Variants in GALR1 observed in about 807,000 individuals in gnomAD.
GALR1 encodes the protein galanin receptor 1.
In GALR1, 11 loss-of-function variants were observed where a neutral mutation model predicts 17.9. The observed-to-expected ratio is 0.62, with a 90% CI of 0.39 to 1.02. The LOEUF is 1.02. Among genes scored for constraint, GALR1 ranks in the 50% least tolerant of loss-of-function variants. The pLI is 0.01. For missense variants in GALR1, 441 were observed against 456.9 expected (o/e 0.97, Z 0.32); for synonymous variants, 206 against 205.7 (o/e 1.00, Z -0.01).
At chr18:77,253,449 A>C (rs1912516934) in intron 1 of GALR1, among the ~76,000 whole-genome samples, 1 of 152,194 alleles carries the variant, frequency 6.6e-6, no homozygotes, top group Admixed American at 6.5e-5. Context: ...TACTGTGGAG[A>C]ACTGAAGCAC....
Position 77,271,610 on chromosome 18 carries a change from A to G in GALR1, c.*2708A>G, listed in dbSNP as rs986036123. ...CGTCACTAAATAAAGACAGCTTCCC[A>G]AGGACACACTTTTTCTCCCAGCATC... On this transcript the variant is annotated 3_prime_UTR_variant, in exon 3 of 3. Coordinates refer to ENST00000299727, the MANE Select transcript of GALR1 (RefSeq NM_001480.4). The G allele has an allele frequency of 1.3e-5, 2 of 152,200 alleles. No individual in the cohort carries two copies. Among genetic ancestry groups the G allele is most frequent in the Non-Finnish European group, 2.9e-5 (2 of 68,042 alleles). 9.4% of individuals were successfully genotyped at this position (152,200 alleles called of 1,614,324 possible).
intron 1 of GALR1, among the ~76,000 whole-genome samples, chr18:77,252,829 C>T (rs571850529): frequency 2.9e-4 from 41 of 140,142 alleles, no homozygotes; most frequent in Non-Finnish European, 5.4e-4. Context: ...GCCTGGCTGA[C>T]AACGGAGCGA....
rs759923285 is a variant in GALR1 at position 77,250,826 on chromosome 18, C to A, written c.278C>A (p.Ala93Asp). 9 of 1,613,758 alleles carry A rather than the reference C, an allele frequency of 5.6e-6. No individual in the cohort carries two copies. The South Asian group carries it at 7.7e-5, about 14-fold the overall frequency. ...CTGCTCTTCTGCATCCCCTTCCAGG[C>A]CACCGTGTACGCGCTGCCCACCTGG... ...AYLLFCIPFQATVYALPTWVL... is the reference protein window; with the variant it reads ...AYLLFCIPFQDTVYALPTWVL... Residue 93 changes from alanine to aspartate, a missense_variant, in exon 1 of 3, where the codon GCC (alanine) becomes GAC (aspartate). Transcript: ENST00000299727.
intron 2 of GALR1, 66 bp downstream of exon 2, chr18:77,256,289 C>T: frequency 4.4e-6 from 4 of 907,664 alleles, no homozygotes; most frequent in Non-Finnish European, 7.1e-6. Context: ...GTTTTTTTTA[C>T]TTGTCCTCAC....
chr18:77,274,480 A>T lies in GALR1; in HGVS notation c.*5578A>T, dbSNP rs1913118468. The T allele has an allele frequency of 6.6e-6, 1 of 152,258 alleles. No homozygotes were observed. The highest frequency in any genetic ancestry group is 2.4e-5 in the African/African-American group (1 of 41,442). The allele number at this position is 152,258 out of a possible 1,614,324, so 9.4% of individuals were successfully genotyped here. ...AATGGGATACCAAAGATGACGTGTA[A>T]GGCCTTCAGTATATAATGGACTTGT... On this transcript the variant is annotated 3_prime_UTR_variant, in exon 3 of 3. Coordinates refer to ENST00000299727, the MANE Select transcript of GALR1 (RefSeq NM_001480.4).
chr18:77,255,292 A>G (rs1282871635), intron 1 of GALR1, among the ~76,000 whole-genome samples: 3 of 152,238 alleles, frequency 2.0e-5, no homozygotes, highest in South Asian at 2.1e-4. Context: ...GGAAATTCCT[A>G]CATCTAAAAC....
At chr18:77,260,054 G>A (rs1912794485) in intron 2 of GALR1, among the ~76,000 whole-genome samples, 1 of 152,128 alleles carries the variant, frequency 6.6e-6, no homozygotes, top group South Asian at 2.1e-4. Flanking sequence ...CAATGTATAA[G>A]TAAAGTTCCC....
In GALR1 at chr18:77,274,721, T is replaced by A. The variant is rs1203883488; in HGVS notation, c.*5819T>A. The A allele has an allele frequency of 1.3e-5, 2 of 152,180 alleles. No homozygotes were observed. Among genetic ancestry groups the A allele is most frequent in the Non-Finnish European group, 2.9e-5 (2 of 68,024 alleles). 9.4% of individuals were successfully genotyped at this position (152,180 alleles called of 1,614,324 possible). A position where few individuals can be genotyped will look rare whatever the true frequency, so the allele number is the denominator to read the frequency against. On this transcript the variant is annotated 3_prime_UTR_variant, in exon 3 of 3. Transcript: ENST00000299727. The stretch of plus-strand genomic sequence containing the variant: ...CAGGTGATTCTTACCTCCATTGGCC[T>A]TTGGATGTCTGCGTAATAATTTGTT...
chr18:77,253,393 G>A (rs573146827), intron 1 of GALR1, among the ~76,000 whole-genome samples: 2 of 152,206 alleles, frequency 1.3e-5, no homozygotes, highest in African/African-American at 4.8e-5. Context: ...GGACATTGAA[G>A]TCTGAGATTG....
rs1913096905 is a variant in GALR1 at position 77,273,291 on chromosome 18, G to A, written c.*4389G>A. On this transcript the variant is annotated 3_prime_UTR_variant, in exon 3 of 3. Transcript: ENST00000299727. ...TGTTCCCGCATCCGATGATTCTCAG[G>A]TTTTGTTCTAGGTGCAGAAATAGTG... is the stretch of plus-strand genomic sequence containing the variant. 1.3e-5 allele frequency: 2 copies of A among 152,158 alleles called. No homozygotes were observed. Among genetic ancestry groups the A allele is most frequent in the South Asian group, 4.2e-4 (2 of 4,818 alleles). The allele number at this position is 152,158 out of a possible 1,614,324, so 9.4% of individuals were successfully genotyped here. A position where few individuals can be genotyped will look rare whatever the true frequency, so the allele number is the denominator to read the frequency against.
rs1311799809 is a variant in GALR1, at chr18:77,277,623, T to G, written c.*8721T>G. 6.6e-6 allele frequency: 1 copy of G among 152,244 alleles called. No individual in the cohort carries two copies. Among genetic ancestry groups the G allele is most frequent in the Non-Finnish European group, 1.5e-5 (1 of 68,044 alleles). The allele number at this position is 152,244 out of a possible 1,614,324, so 9.4% of individuals were successfully genotyped here. ...CAACGTGATTGTTTAAATGCTGATA[T>G]GAAAGCAGTGCTGAATGTGGATCTT... is the stretch of plus-strand genomic sequence containing the variant. On this transcript the variant is annotated 3_prime_UTR_variant, in exon 3 of 3. Coordinates refer to ENST00000299727, the MANE Select transcript of GALR1 (RefSeq NM_001480.4).
In GALR1 at chr18:77,250,696, G is replaced by A; in HGVS notation, c.148G>A (p.Gly50Ser). ...FGLIFALGVLGNSLVITVLAR... is the reference protein window; with the variant it reads ...FGLIFALGVLSNSLVITVLAR... ...CCTGATCTTCGCGCTGGGTGTGCTGGGCAACAGCCTAGTGATCACCGTGCT... is the reference window on the plus strand; with the variant it reads ...CCTGATCTTCGCGCTGGGTGTGCTGAGCAACAGCCTAGTGATCACCGTGCT... Residue 50 changes from glycine (G) to serine (S), a missense_variant, in exon 1 of 3, where the codon GGC (glycine) becomes AGC (serine). Transcript: ENST00000299727. 6.2e-7 allele frequency: 1 copy of A among 1,613,412 alleles called. No homozygotes were observed. The highest frequency in any genetic ancestry group is 8.5e-7 in the Non-Finnish European group (1 of 1,179,902).
rs67122346 is a variant in GALR1, at chr18:77,272,321, A to T, written c.*3419A>T. 19,253 of 152,240 alleles carry T rather than the reference A, an allele frequency of 0.13. 1,301 individuals are homozygous for T. Among genetic ancestry groups the T allele is most frequent in the Admixed American group, 0.16 (2,490 of 15,290 alleles). The allele number at this position is 152,240 out of a possible 1,614,324, so 9.4% of individuals were successfully genotyped here. On this transcript the variant is annotated 3_prime_UTR_variant, in exon 3 of 3. Transcript: ENST00000299727. ...TTGAGGCAGTGCAGCGATCATTCTA[A>T]TATGTTAACTGAGACCCAAGATCTC...
At chr18:77,259,015 G>A (rs878941271) in intron 2 of GALR1, among the ~76,000 whole-genome samples, 3,313 of 18,416 alleles carry the variant, frequency 0.18, 381 homozygotes, top group Non-Finnish European at 0.31. Flanking sequence ...AGTGGTGGTG[G>A]TGTTGGTGTT....
intron 1 of GALR1, among the ~76,000 whole-genome samples, chr18:77,252,093 T>C (rs564817097): frequency 6.6e-6 from 1 of 152,322 alleles, no homozygotes; most frequent in South Asian, 2.1e-4. Context: ...GTGTGGGAGA[T>C]AGTTTTTCCC....
At position 77,250,554 on chromosome 18, in the gene GALR1, G is replaced by A; in HGVS notation, c.6G>A (p.Glu2=). Residue 2 remains glutamate (E), a synonymous_variant, in exon 1 of 3, where the codon GAG becomes GAA. Transcript: ENST00000299727. The part of the protein sequence containing the change: M[E]LAVGNLSEGN... The stretch of plus-strand genomic sequence containing the variant: ...CCGGGACAGCCCCGCGGGCCATGGA[G>A]CTGGCGGTCGGGAACCTCAGCGAGG... 6.5e-7 allele frequency: 1 copy of A among 1,527,706 alleles called. No homozygotes were observed. The highest frequency in any genetic ancestry group is 8.8e-7 in the Non-Finnish European group (1 of 1,142,748). 94.6% of individuals were successfully genotyped at this position (1,527,706 alleles called of 1,614,324 possible).
rs1393587634 is a variant in GALR1 at position 77,250,516 on chromosome 18, G to A, written c.-33G>A. On this transcript the variant is annotated 5_prime_UTR_variant, in exon 1 of 3. Coordinates refer to ENST00000299727, the MANE Select transcript of GALR1 (RefSeq NM_001480.4). ...ACTATCCCGCCCTCCCTCCCCGCGCGCCCCGCCGCTCGCCGGGACAGCCCC... is the reference window on the plus strand; with the variant it reads ...ACTATCCCGCCCTCCCTCCCCGCGCACCCCGCCGCTCGCCGGGACAGCCCC... The A allele has an allele frequency of 1.4e-6, 2 of 1,427,564 alleles. No homozygotes were observed. The highest frequency in any genetic ancestry group is 3.0e-5 in the Admixed American group (1 of 33,260). The allele number at this position is 1,427,564 out of a possible 1,614,324, so 88.4% of individuals were successfully genotyped here.
chr18:77,258,643 T>C (rs1197089725), intron 2 of GALR1, among the ~76,000 whole-genome samples: 2 of 146,764 alleles, frequency 1.4e-5, no homozygotes, highest in Non-Finnish European at 1.5e-5. Flanking sequence ...GTGATGGTGG[T>C]GGTGGTCATA....
At position 77,268,688 on chromosome 18, in the gene GALR1, C is replaced by T. The variant is rs140013561; in HGVS notation, c.836C>T (p.Pro279Leu). ...GAGTTTGGAGTTTTCCCGCTGACGCCGGCTTCCTTCCTCTTCAGAATCACC... is the reference window on the plus strand; with the variant it reads ...GAGTTTGGAGTTTTCCCGCTGACGCTGGCTTCCTTCCTCTTCAGAATCACC... ...WAEFGVFPLT[P>L]ASFLFRITAH... Residue 279 changes from proline (P) to leucine (L), a missense_variant, in exon 3 of 3, where the codon CCG (proline) becomes CTG (leucine). By Grantham distance (98) the Pro-to-Leu change is moderately conservative. Coordinates refer to ENST00000299727, the MANE Select transcript of GALR1 (RefSeq NM_001480.4). 131 of 1,614,026 alleles carry T rather than the reference C, an allele frequency of 8.1e-5. No individual in the cohort carries two copies. The highest frequency in any genetic ancestry group is 4.7e-4 in the East Asian group (21 of 44,896).
Sources: gnomAD v4.1 joint callset for allele counts (sites outside exome capture counted in the v4.1 genomes callset) on GRCh38, gnomAD v4.1.1 for gene constraint, MANE v1.5 for transcripts, NCBI Gene and HGNC (gene_info 2026-07-23, HGNC 2026-07-21) for gene names.